SORL1: variants seen among roughly 807,000 people sequenced by gnomAD.
SORL1 encodes sortilin related receptor 1.
In SORL1, 127 loss-of-function variants were observed where a neutral mutation model predicts 273.7. The ratio of observed to expected loss-of-function variants is 0.46; its 90% confidence interval spans 0.40 to 0.54. The LOEUF (loss-of-function observed/expected upper bound fraction) is 0.54. SORL1 is among the 20% of genes least tolerant of loss of function. The pLI is 0.00. For synonymous variants in SORL1, 1,031 were observed against 1,067.4 expected (o/e 0.97, Z 0.66); for missense variants, 2,494 against 2,846.1 (o/e 0.88, Z 2.81).
intron 12 of SORL1, 29 bp downstream of exon 12, chr11:121,532,581 A>T (rs374844953): frequency 1.3e-6 from 2 of 1,577,994 alleles, no homozygotes; most frequent in African/African-American, 1.3e-5. Context: ...GCCTTTTAAC[A>T]TCAAACTTTC....
intron 45 of SORL1, among the ~76,000 whole-genome samples, chr11:121,624,498 C>A (rs1863766002): frequency 6.6e-6 from 1 of 152,174 alleles, no homozygotes; most frequent in African/African-American, 2.4e-5. Context: ...GAACAGGGGC[C>A]TGAGCTGGCT....
At chr11:121,518,788 G>C (rs1381333118) in intron 8 of SORL1, among the ~76,000 whole-genome samples, 1 of 152,118 alleles carries the variant, frequency 6.6e-6, no homozygotes, top group African/African-American at 2.4e-5. Context: ...CTGCCTCAGA[G>C]GTTGTTGTTT....
At chr11:121,586,084 T>C (rs1863100827) in intron 26 of SORL1, 138 bp from the exon 27 acceptor site, 2 of 675,794 alleles carry the variant, frequency 3.0e-6, no homozygotes, top group South Asian at 3.2e-5. Context: ...AAAGTGTGTA[T>C]ACATTTGTCA....
At chr11:121,626,413 T>C (rs1175661098) in intron 46 of SORL1, 2 of 151,618 alleles carry the variant, frequency 1.3e-5, no homozygotes, top group African/African-American at 4.9e-5. Flanking sequence ...CACTGCACAG[T>C]TGGAATAGGT....
Position 121,605,809 on chromosome 11 carries a change from A to G in SORL1, c.4948+238A>G, listed in dbSNP as rs534203504. ...ATTCTCTCCACCATTGCCCTCTTGCATTTTTTGTCTAGTTTCTACCTCTAC... is the reference window on the plus strand; with the variant it reads ...ATTCTCTCCACCATTGCCCTCTTGCGTTTTTTGTCTAGTTTCTACCTCTAC... On this transcript the variant is annotated intron_variant, in intron 35 of 47. Transcript: ENST00000260197. Among the ~76,000 whole-genome samples the G allele has an allele frequency of 2.0e-5, 3 of 152,214 alleles. No homozygotes were observed. In the East Asian group the frequency reaches 5.8e-4, roughly 29 times the overall value.
At chr11:121,511,947 T>A (rs1861884766) in intron 6 of SORL1, among the ~76,000 whole-genome samples, 2 of 152,226 alleles carry the variant, frequency 1.3e-5, no homozygotes, top group South Asian at 4.1e-4. Context: ...CATCTCAATA[T>A]GTTTAATAGT....
chr11:121,513,396 G>A (rs995398294), intron 7 of SORL1, among the ~76,000 whole-genome samples: 1 of 152,184 alleles, frequency 6.6e-6, no homozygotes, highest in Non-Finnish European at 1.5e-5. Context: ...GAAGCAATGG[G>A]AAGTTTGTGC....
chr11:121,480,931 C>G (rs1861369243), intron 3 of SORL1, among the ~76,000 whole-genome samples: 1 of 131,398 alleles, frequency 7.6e-6, no homozygotes, highest in African/African-American at 3.0e-5. Flanking sequence ...TCCTCCTCCC[C>G]AGCTCCTCCC....
chr11:121,567,851 C>T (rs1862775988), intron 22 of SORL1, among the ~76,000 whole-genome samples: 1 of 152,156 alleles, frequency 6.6e-6, no homozygotes, highest in African/African-American at 2.4e-5. Flanking sequence ...GATTGATGGC[C>T]AGAATTTCTG....
At chr11:121,582,124 G>T (rs1863022894) in intron 25 of SORL1, among the ~76,000 whole-genome samples, 1 of 152,194 alleles carries the variant, frequency 6.6e-6, no homozygotes, top group Non-Finnish European at 1.5e-5. Flanking sequence ...TTGGTCCTTG[G>T]AGAGATGGGA....
At chr11:121,561,516 G>C (rs1345011892) in intron 21 of SORL1, among the ~76,000 whole-genome samples, 21 of 152,080 alleles carry the variant, frequency 1.4e-4, no homozygotes, top group Admixed American at 1.3e-3. Flanking sequence ...TAGATGACAG[G>C]CTGGTTTAAA....
chr11:121,584,558 G>A (rs192019751), intron 26 of SORL1, among the ~76,000 whole-genome samples: 1 of 151,506 alleles, frequency 6.6e-6, no homozygotes, highest in African/African-American at 2.4e-5. Flanking sequence ...AGCTCAGTTT[G>A]CAAAGGCTAT....
chr11:121,479,077 G>T (rs1312948915), intron 3 of SORL1, among the ~76,000 whole-genome samples: 1 of 152,126 alleles, frequency 6.6e-6, no homozygotes, highest in Non-Finnish European at 1.5e-5. Context: ...AACCTGTACC[G>T]ATATGGAAAA....
At chr11:121,466,444 C>G (rs944531148) in intron 1 of SORL1, among the ~76,000 whole-genome samples, 1 of 152,100 alleles carries the variant, frequency 6.6e-6, no homozygotes, top group East Asian at 1.9e-4. Flanking sequence ...ATCTAGGGAC[C>G]TGTGGGTTGT....
At chr11:121,549,388 A>AT (rs140094870) in intron 14 of SORL1, among the ~76,000 whole-genome samples, 4,680 of 150,826 alleles carry the variant, frequency 0.031, 174 homozygotes, top group East Asian at 0.2. Flanking sequence ...ATACCTGGCT[A>AT]TTTTTTTTTA....
At chr11:121,575,075 T>C (rs766052406) in intron 24 of SORL1, among the ~76,000 whole-genome samples, 2 of 152,222 alleles carry the variant, frequency 1.3e-5, no homozygotes, top group Non-Finnish European at 2.9e-5. Context: ...AACAGTGGGT[T>C]ACAATTCCAA....
At position 121,488,170 on chromosome 11, in the gene SORL1, G is replaced by A; in HGVS notation, c.667G>A (p.Asp223Asn). 6.2e-7 allele frequency: 1 copy of A among 1,614,118 alleles called. No homozygotes were observed. Among genetic ancestry groups the A allele is most frequent in the Non-Finnish European group, 8.5e-7 (1 of 1,180,024 alleles). Residue 223 changes from aspartate to asparagine, a missense_variant, in exon 4 of 48, where the codon GAC becomes AAC. Transcript: ENST00000260197. ...GGCCTCCAACCTTCTCTTGGGCTTT[G>A]ACAGGTCCCACCCCAACAAGCAGGT... ...SKASNLLLGFDRSHPNKQLWK... is the reference protein window; with the variant it reads ...SKASNLLLGFNRSHPNKQLWK...
chr11:121,598,995 A>G (rs148699203), intron 32 of SORL1, among the ~76,000 whole-genome samples: 100 of 152,078 alleles, frequency 6.6e-4, no homozygotes, highest in African/African-American at 2.3e-3. Flanking sequence ...CAATTCTTCA[A>G]TTTCCAAGGT....
At chr11:121,606,351 G>A (rs1401987161) in intron 35 of SORL1, among the ~76,000 whole-genome samples, 2 of 152,172 alleles carry the variant, frequency 1.3e-5, no homozygotes, top group Non-Finnish European at 1.5e-5. Flanking sequence ...ATTGCCTAAA[G>A]TATCCTGAAT....
Sources: allele counts gnomAD v4.1 joint callset (sites outside exome capture counted in the v4.1 genomes callset), GRCh38; gene constraint gnomAD v4.1.1; transcripts MANE v1.5; gene names NCBI Gene and HGNC (gene_info 2026-07-23, HGNC 2026-07-21).